The following ROBO2 variants were observed in gnomAD, a reference collection of about 807,000 sequenced individuals.
ROBO2 encodes the protein roundabout homolog 2.
A neutral mutation model predicts 160.8 loss-of-function variants in ROBO2; 53 were observed. That is an observed-to-expected ratio of 0.33 (90% CI 0.26 to 0.41). ROBO2 has a LOEUF of 0.41. ROBO2 is among the 10% of genes least tolerant of loss of function. The probability of loss-of-function intolerance (pLI) is 1.00; values close to 1 mark genes in which losing one functional copy is unlikely to be tolerated. For synonymous variants in ROBO2, 664 were observed against 611.7 expected, an observed-to-expected ratio of 1.09 and a Z score of -1.26; for missense variants, 1,577 against 1,722.4, an observed-to-expected ratio of 0.92 and a Z score of 1.49.
At chr3:77,029,947 G>T (rs529484885) in intron 2 of ROBO2, among the ~76,000 whole-genome samples, 2 of 151,278 alleles carry the variant, frequency 1.3e-5, no homozygotes, top group African/African-American at 4.9e-5. Context: ...ATGCCATTCA[G>T]TTCTTTTTTT....
At position 77,180,412 on chromosome 3, in the gene ROBO2, C is replaced by CTA. The variant is rs1389265662; in HGVS notation, c.388+82073_388+82074insAT. Among the ~76,000 whole-genome samples the CTA allele has an allele frequency of 3.6e-3, 338 of 93,774 alleles. 1 individual carries two copies. Among genetic ancestry groups the CTA allele is most frequent in the African/African-American group, 9.1e-3 (248 of 27,120 alleles). 61.5% of individuals were successfully genotyped at this position (93,774 alleles called of 152,430 possible). On this transcript the variant is annotated intron_variant, in intron 2 of 25. Coordinates refer to ENST00000461745, the Ensembl canonical transcript of ROBO2. ...ATTCTCTCTCTCTCTCTCTCTCTCT[C>CTA]TCTCTATATATATATATATGTATTT...
At chr3:76,890,964 T>C (rs1270925203) in intron 2 of ROBO2, among the ~76,000 whole-genome samples, 1 of 152,194 alleles carries the variant, frequency 6.6e-6, no homozygotes. Context: ...ATATTATTTG[T>C]GAAATTAAGA....
In ROBO2 at chr3:77,092,474, C is replaced by T. The variant is rs1369960015; in HGVS notation, c.62-5540C>T. ...TACTTTCTTGGACAGTAAAAATAAA[C>T]ATTTGGATGTTCATCTTTAGGATCC... On this transcript the variant is annotated intron_variant, in intron 1 of 25. Coordinates refer to ENST00000461745, the Ensembl canonical transcript of ROBO2. Among the ~76,000 whole-genome samples the T allele has an allele frequency of 2.7e-5, 4 of 150,800 alleles. No homozygotes were observed. The East Asian group carries it at 7.8e-4, about 29-fold the overall frequency.
At chr3:76,919,404 G>A (rs962719214) in intron 2 of ROBO2, among the ~76,000 whole-genome samples, 1 of 152,050 alleles carries the variant, frequency 6.6e-6, no homozygotes, top group Non-Finnish European at 1.5e-5. Context: ...CACATATAGA[G>A]CTGAACATTC....
chr3:77,198,568 G>C (rs1249107523), intron 2 of ROBO2, among the ~76,000 whole-genome samples: 1 of 152,152 alleles, frequency 6.6e-6, no homozygotes, highest in Non-Finnish European at 1.5e-5. Flanking sequence ...GATTGTACAT[G>C]GCTTTTTCAG....
chr3:77,103,217 C>T (rs976725806), intron 2 of ROBO2, among the ~76,000 whole-genome samples: 4 of 151,898 alleles, frequency 2.6e-5, no homozygotes, highest in African/African-American at 9.7e-5. Context: ...CTTGATCTAT[C>T]GACCAGGGTA....
chr3:77,187,339 T>C (rs944869488), intron 2 of ROBO2, among the ~76,000 whole-genome samples: 3 of 151,958 alleles, frequency 2.0e-5, no homozygotes, highest in African/African-American at 4.8e-5. Flanking sequence ...TTGCCATTCT[T>C]AGGCATCCAA....
chr3:77,379,682 T>A (rs1487509617), intron 2 of ROBO2, among the ~76,000 whole-genome samples: 1 of 152,212 alleles, frequency 6.6e-6, no homozygotes, highest in Non-Finnish European at 1.5e-5. Context: ...GTGATATCTC[T>A]AAACTCTGGT....
intron 2 of ROBO2, among the ~76,000 whole-genome samples, chr3:77,257,695 T>A (rs2058512299): frequency 1.3e-5 from 2 of 152,250 alleles, no homozygotes; most frequent in African/African-American, 4.8e-5. Flanking sequence ...TAGGAATGAC[T>A]GCGTAACTAA....
intron 2 of ROBO2, among the ~76,000 whole-genome samples, chr3:77,201,515 C>A (rs1243261565): frequency 2.0e-5 from 3 of 152,076 alleles, no homozygotes; most frequent in African/African-American, 7.2e-5. Flanking sequence ...GGCCGCTGAA[C>A]CTTTGAAGAC....
At chr3:76,699,705 T>C (rs1205714252) in intron 2 of ROBO2, among the ~76,000 whole-genome samples, 2 of 152,186 alleles carry the variant, frequency 1.3e-5, no homozygotes, top group Admixed American at 6.6e-5. Context: ...TTTATAGCCC[T>C]GAACCATTGA....
chr3:76,555,431 G>GAA (rs1560141909), intron 2 of ROBO2, among the ~76,000 whole-genome samples: 45 of 63,830 alleles, frequency 7.0e-4, no homozygotes, highest in South Asian at 3.2e-3. Context: ...GAAGGAGAAG[G>GAA]GGAAGGGGAA....
intron 2 of ROBO2, among the ~76,000 whole-genome samples, chr3:76,973,586 A>T (rs919301821): frequency 1.3e-4 from 20 of 152,160 alleles, no homozygotes; most frequent in Admixed American, 3.9e-4. Flanking sequence ...CATTGTCTTC[A>T]TGTATGATGG....
intron 2 of ROBO2, among the ~76,000 whole-genome samples, chr3:76,701,384 A>T (rs1372255451): frequency 3.3e-5 from 5 of 152,210 alleles, no homozygotes; most frequent in African/African-American, 1.2e-4. Context: ...TGAGAGTCAG[A>T]TGTGTGTTTT....
intron 2 of ROBO2, among the ~76,000 whole-genome samples, chr3:77,256,710 G>T (rs935054431): frequency 6.6e-6 from 1 of 152,184 alleles, no homozygotes. Context: ...CCCAAGAGAG[G>T]CTTCTGCGAA....
At chr3:77,583,970 A>G (rs978949274) in intron 16 of ROBO2, among the ~76,000 whole-genome samples, 2 of 152,078 alleles carry the variant, frequency 1.3e-5, no homozygotes, top group Non-Finnish European at 2.9e-5. Flanking sequence ...GAAGCCTCAT[A>G]TGTTTATCTG....
chr3:77,155,080 T>TAAATAAAA (rs1553802539), intron 2 of ROBO2, among the ~76,000 whole-genome samples: 4 of 151,848 alleles, frequency 2.6e-5, no homozygotes, highest in African/African-American at 9.7e-5. Flanking sequence ...AATAAATAAA[T>TAAATAAAA]AAAATGGATT....
intron 2 of ROBO2, among the ~76,000 whole-genome samples, chr3:76,298,068 C>T (rs867365884): frequency 1.4e-4 from 22 of 152,148 alleles, no homozygotes; most frequent in African/African-American, 2.2e-4. Flanking sequence ...CCCTGAAACA[C>T]GGGAATAAGA....
intron 2 of ROBO2, among the ~76,000 whole-genome samples, chr3:76,239,457 G>C (rs554208130): frequency 4.2e-4 from 64 of 152,104 alleles, no homozygotes; most frequent in Non-Finnish European, 7.4e-4. Flanking sequence ...AAGTTGCCTT[G>C]ATGAATTTAT....
Sources: allele counts gnomAD v4.1 joint callset (sites outside exome capture counted in the v4.1 genomes callset), GRCh38; gene constraint gnomAD v4.1.1; transcripts MANE v1.5; gene names NCBI Gene and HGNC (gene_info 2026-07-23, HGNC 2026-07-21).